The following RBFOX1 variants were observed in gnomAD, a reference collection of about 807,000 sequenced individuals.
RBFOX1 encodes the protein RNA binding protein fox-1 homolog 1.
Under a neutral mutation model 57.7 loss-of-function variants are expected in RBFOX1, and 8 were observed. That is an observed-to-expected ratio of 0.14 (90% CI 0.08 to 0.25). RBFOX1 has a LOEUF of 0.25. Among genes scored for constraint, RBFOX1 ranks in the 10% least tolerant of loss-of-function variants. RBFOX1 has a pLI of 1.00. For missense variants in RBFOX1, 611 were observed against 548.5 expected (o/e 1.11, Z -1.14); for synonymous variants, 326 against 222.4 (o/e 1.47, Z -4.15).
At chr16:5,669,152 CT>C (rs1567373142) in intron 3 of RBFOX1, among the ~76,000 whole-genome samples, 1 of 152,100 alleles carries the variant, frequency 6.6e-6, no homozygotes, top group Admixed American at 6.5e-5. Flanking sequence ...GAGGGTTGGC[CT>C]TTACCCCTAA....
chr16:6,964,395 C>G (rs74008495), intron 3 of RBFOX1, among the ~76,000 whole-genome samples: 4,506 of 152,200 alleles, frequency 0.03, 235 homozygotes, highest in African/African-American at 0.1. Context: ...ATATATTGGT[C>G]TCAACCCACA....
At chr16:6,492,938 A>G (rs1484544408) in intron 2 of RBFOX1, among the ~76,000 whole-genome samples, 1 of 152,212 alleles carries the variant, frequency 6.6e-6, no homozygotes, top group East Asian at 1.9e-4. Flanking sequence ...ATAAACAGTG[A>G]TTATCTTTGT....
chr16:5,975,106 A>C (rs1390594404), intron 4 of RBFOX1, among the ~76,000 whole-genome samples: 2 of 152,250 alleles, frequency 1.3e-5, no homozygotes, highest in Non-Finnish European at 2.9e-5. Flanking sequence ...ACAACAACAA[A>C]AGTGCCTTTG....
chr16:6,987,717 A>T (rs551228745), intron 3 of RBFOX1, among the ~76,000 whole-genome samples: 1 of 152,260 alleles, frequency 6.6e-6, no homozygotes, highest in East Asian at 1.9e-4. Context: ...ATCCAAATAC[A>T]TGACCACAGT....
intron 2 of RBFOX1, among the ~76,000 whole-genome samples, chr16:6,381,078 G>T (rs777893194): frequency 1.3e-5 from 2 of 152,156 alleles, no homozygotes; most frequent in Non-Finnish European, 2.9e-5. Context: ...TGGGGCAAGG[G>T]GATTTGGGAA....
At chr16:5,598,929 C>G in exon 3 of RBFOX1, 1 of 1,531,522 alleles carries the variant, frequency 6.5e-7, no homozygotes, top group Non-Finnish European at 8.7e-7. Flanking sequence ...TTCAACCCTC[C>G]TCCCCGGTGC....
intron 1 of RBFOX1, among the ~76,000 whole-genome samples, chr16:5,250,465 C>G (rs1392783591): frequency 6.6e-6 from 1 of 152,194 alleles, no homozygotes; most frequent in Non-Finnish European, 1.5e-5. Flanking sequence ...TTGTTCCCCT[C>G]TCTGTGTCCA....
chr16:7,401,261 G>A (rs2098238257), intron 4 of RBFOX1, among the ~76,000 whole-genome samples: 2 of 152,160 alleles, frequency 1.3e-5, no homozygotes, highest in Admixed American at 1.3e-4. Context: ...AAATAACTAT[G>A]CAAAAATATA....
intron 3 of RBFOX1, among the ~76,000 whole-genome samples, chr16:6,686,547 A>C (rs955915258): frequency 1.3e-5 from 2 of 152,126 alleles, no homozygotes; most frequent in Non-Finnish European, 2.9e-5. Flanking sequence ...ACATCTTGGG[A>C]ACATTTCTCA....
chr16:6,182,801 A>T (rs770764522), intron 1 of RBFOX1, among the ~76,000 whole-genome samples: 2 of 152,236 alleles, frequency 1.3e-5, no homozygotes, highest in Admixed American at 6.5e-5. Flanking sequence ...TGAATATAGT[A>T]TAGTACTATT....
intron 4 of RBFOX1, among the ~76,000 whole-genome samples, chr16:7,208,939 C>A (rs1468751279): frequency 6.6e-6 from 1 of 151,994 alleles, no homozygotes; most frequent in East Asian, 1.9e-4. Flanking sequence ...GGGCATTAAT[C>A]TATTCATGAG....
chr16:6,958,979 A>G (rs1031860672), intron 3 of RBFOX1, among the ~76,000 whole-genome samples: 20 of 152,206 alleles, frequency 1.3e-4, no homozygotes, highest in African/African-American at 4.3e-4. Context: ...TGATTTTAAT[A>G]AGATTTTGAA....
intron 1 of RBFOX1, among the ~76,000 whole-genome samples, chr16:5,388,659 C>G (rs534086848): frequency 1.3e-5 from 2 of 152,122 alleles, no homozygotes; most frequent in African/African-American, 4.8e-5. Flanking sequence ...TCACTGCAAC[C>G]TCCACCTCCC....
chr16:7,545,053 A>G (rs904961689), intron 5 of RBFOX1, among the ~76,000 whole-genome samples: 1 of 152,224 alleles, frequency 6.6e-6, no homozygotes, highest in African/African-American at 2.4e-5. Flanking sequence ...AACAGTGTCT[A>G]CTAAGAGCAA....
chr16:6,947,338 A>C (rs2079748916), intron 3 of RBFOX1, among the ~76,000 whole-genome samples: 1 of 152,170 alleles, frequency 6.6e-6, no homozygotes, highest in South Asian at 2.1e-4. Flanking sequence ...TTAAGAGATA[A>C]CATTATGAAG....
chr16:5,554,738 A>G (rs2045604984), intron 2 of RBFOX1, among the ~76,000 whole-genome samples: 1 of 152,230 alleles, frequency 6.6e-6, no homozygotes, highest in African/African-American at 2.4e-5. Flanking sequence ...GGGATTATGA[A>G]TTGATCAACA....
intron 4 of RBFOX1, among the ~76,000 whole-genome samples, chr16:7,258,530 A>G (rs1714901425): frequency 6.6e-6 from 1 of 152,170 alleles, no homozygotes; most frequent in South Asian, 2.1e-4. Context: ...ATATTGTTGT[A>G]CATGCACGTA....
intron 1 of RBFOX1, among the ~76,000 whole-genome samples, chr16:6,312,136 A>C (rs561303351): frequency 6.6e-6 from 1 of 152,168 alleles, no homozygotes; most frequent in Non-Finnish European, 1.5e-5. Flanking sequence ...ACATAATTGC[A>C]TTGTTTGCTA....
chr16:7,679,906 G>C (rs1303140928), intron 14 of RBFOX1, among the ~76,000 whole-genome samples: 2 of 152,098 alleles, frequency 1.3e-5, no homozygotes, highest in African/African-American at 2.4e-5. Flanking sequence ...AATGGGAATA[G>C]GTGAACATCT....
Sources: gnomAD v4.1 joint callset for allele counts (sites outside exome capture counted in the v4.1 genomes callset) on GRCh38, gnomAD v4.1.1 for gene constraint, MANE v1.5 for transcripts, NCBI Gene and HGNC (gene_info 2026-07-23, HGNC 2026-07-21) for gene names.